MAP4: variants seen among roughly 807,000 people sequenced by gnomAD.
MAP4 encodes microtubule-associated protein 4.
MAP4 carries 76 observed loss-of-function variants against 170.2 expected under a neutral mutation model. The ratio of observed to expected loss-of-function variants is 0.45; its 90% confidence interval spans 0.37 to 0.54. MAP4 has a LOEUF of 0.54. Ranked by LOEUF, MAP4 falls within the 20% of genes least tolerant of loss-of-function variation. MAP4 has a pLI of 0.00. For missense variants in MAP4, 2,506 were observed against 2,748.0 expected, an observed-to-expected ratio of 0.91 and a Z score of 1.97; for synonymous variants, 909 against 994.5, an observed-to-expected ratio of 0.91 and a Z score of 1.62.
intron 1 of MAP4, among the ~76,000 whole-genome samples, chr3:48,056,963 C>G (rs779323492): frequency 0.016 from 2,016 of 125,172 alleles, 40 homozygotes; most frequent in Non-Finnish European, 0.026. Flanking sequence ...CCCGGCCAGC[C>G]GCCCCGTCCG....
chr3:47,931,535 C>T (rs941035406), intron 3 of MAP4, among the ~76,000 whole-genome samples: 5 of 151,798 alleles, frequency 3.3e-5, no homozygotes, highest in Non-Finnish European at 4.4e-5. Flanking sequence ...TGGAATGCAG[C>T]GGTGTGGATC....
In MAP4 at chr3:47,910,077, A is replaced by T. The variant is rs1312733499; in HGVS notation, c.4344T>A (p.Pro1448=). 1 of 1,613,818 alleles carries T rather than the reference A, an allele frequency of 6.2e-7. No homozygotes were observed. Residue 1448 remains proline, a synonymous_variant, in exon 9 of 21, where the codon CCT becomes CCA. Transcript: ENST00000683076. ...AGGAATCACCTTCCTTTACTACTTG[A>T]GGAGTAGGAGTGGGCAGTTTTTCAC... is the stretch of plus-strand genomic sequence containing the variant. ...AACEKLPTPT[P]QVVKEGDSFP... is the part of the protein sequence containing the mutation.
intron 5 of MAP4, among the ~76,000 whole-genome samples, 156 bp downstream of exon 5, chr3:47,921,609 G>A (rs1445091296): frequency 6.6e-6 from 1 of 152,024 alleles, no homozygotes; most frequent in Non-Finnish European, 1.5e-5. Flanking sequence ...CATTCCCTAG[G>A]TACCTCTCAT....
chr3:48,082,413 G>A (rs1272812075), intron 1 of MAP4, among the ~76,000 whole-genome samples: 1 of 152,158 alleles, frequency 6.6e-6, no homozygotes, highest in Non-Finnish European at 1.5e-5. Flanking sequence ...CCCAGAATAT[G>A]GATATGACTT....
intron 3 of MAP4, among the ~76,000 whole-genome samples, chr3:47,945,776 G>A (rs1449070309): frequency 6.6e-6 from 1 of 151,766 alleles, no homozygotes; most frequent in Non-Finnish European, 1.5e-5. Flanking sequence ...CTGGAGTGCA[G>A]TGGAGCGATC....
intron 2 of MAP4, among the ~76,000 whole-genome samples, chr3:47,984,877 G>T (rs556008024): frequency 7.2e-5 from 11 of 152,066 alleles, no homozygotes; most frequent in African/African-American, 2.7e-4. Context: ...GCTGAGGCAG[G>T]AGAATCACTT....
intron 3 of MAP4, among the ~76,000 whole-genome samples, chr3:47,930,778 A>T (rs2100049314): frequency 6.6e-6 from 1 of 151,750 alleles, no homozygotes; most frequent in Non-Finnish European, 1.5e-5. Flanking sequence ...TACAAAAAAA[A>T]ATTAGCCGGG....
chr3:47,974,873 T>C, intron 3 of MAP4: 2 of 965,868 alleles, frequency 2.1e-6, no homozygotes, highest in Non-Finnish European at 2.5e-6. Flanking sequence ...AAAATATCTA[T>C]CATTATTTAG....
intron 1 of MAP4, among the ~76,000 whole-genome samples, chr3:48,046,633 TG>T (rs972742780): frequency 3.9e-5 from 6 of 152,178 alleles, no homozygotes; most frequent in African/African-American, 1.4e-4. Context: ...CTTTCATTGT[TG>T]AACACTTCTA....
chr3:47,952,072 C>T (rs2100064538), intron 3 of MAP4, among the ~76,000 whole-genome samples: 2 of 148,506 alleles, frequency 1.3e-5, no homozygotes. Flanking sequence ...AGCGTCTCTG[C>T]CCGGCCGCCC....
intron 10 of MAP4, chr3:47,891,567 C>G (rs898538807): frequency 2.0e-6 from 3 of 1,531,568 alleles, no homozygotes; most frequent in East Asian, 2.4e-5. Context: ...GCTGGGGGAA[C>G]TGAGAGGTGA....
chr3:47,852,429 T>G lies in MAP4; in HGVS notation c.*505A>C, dbSNP rs928317269. ...CAGAGGGAGAGGCAGTGGCTTAAGC[T>G]CCACGGTCAGCGTCCTGTCACCACT... On this transcript the variant is annotated 3_prime_UTR_variant, in exon 21 of 21. Transcript: ENST00000683076. 5 of 229,252 alleles carry G rather than the reference T, an allele frequency of 2.2e-5. No homozygotes were observed. Among genetic ancestry groups the G allele is most frequent in the African/African-American group, 1.1e-4 (5 of 43,534 alleles). The allele number at this position is 229,252 out of a possible 1,614,324, so 14.2% of individuals were successfully genotyped here.
chr3:47,852,922 A>G lies in MAP4; in HGVS notation c.*12T>C. 6.2e-7 allele frequency: 1 copy of G among 1,611,882 alleles called. No individual in the cohort carries two copies. Among genetic ancestry groups the G allele is most frequent in the Non-Finnish European group, 8.5e-7 (1 of 1,178,580 alleles). Reference sequence around the variant, plus strand: ...GGCCCTGGCATTTGCCCGGAACGTCAGCCTGTAGGTCTCAATCTGCAGTGA... The same window carrying G: ...GGCCCTGGCATTTGCCCGGAACGTCGGCCTGTAGGTCTCAATCTGCAGTGA... On this transcript the variant is annotated 3_prime_UTR_variant, in exon 21 of 21. Transcript: ENST00000683076.
At chr3:47,924,929 G>T (rs747899950) in intron 4 of MAP4, among the ~76,000 whole-genome samples, 2 of 151,982 alleles carry the variant, frequency 1.3e-5, no homozygotes, top group African/African-American at 2.4e-5. Context: ...TCCTGCCTCA[G>T]CTTCCCGAGT....
Position 47,852,608 on chromosome 3 carries a change from C to G in MAP4, c.*326G>C. On this transcript the variant is annotated 3_prime_UTR_variant, in exon 21 of 21. Coordinates refer to ENST00000683076, the MANE Select transcript of MAP4 (RefSeq NM_001385682.1). ...CCAACTTAGCCTCAACCACCCCAAC[C>G]CCCTCCCAACCTCCTCCACGGAGCA... is the stretch of plus-strand genomic sequence containing the variant. The G allele has an allele frequency of 2.5e-6, 2 of 793,494 alleles. No homozygotes were observed. Among genetic ancestry groups the G allele is most frequent in the Non-Finnish European group, 3.8e-6 (2 of 521,768 alleles). The allele number at this position is 793,494 out of a possible 1,614,324, so 49.2% of individuals were successfully genotyped here. A position where few individuals can be genotyped will look rare whatever the true frequency, so the allele number is the denominator to read the frequency against.
At chr3:47,983,754 A>C (rs1353770941) in intron 2 of MAP4, among the ~76,000 whole-genome samples, 1 of 152,114 alleles carries the variant, frequency 6.6e-6, no homozygotes, top group Non-Finnish European at 1.5e-5. Context: ...CCTGGGCTCA[A>C]GTGGTACTCC....
At chr3:47,901,252 ACTGT>A (rs2100029828) in intron 10 of MAP4, among the ~76,000 whole-genome samples, 2 of 152,118 alleles carry the variant, frequency 1.3e-5, no homozygotes, top group African/African-American at 4.8e-5. Flanking sequence ...CTAGAGGAAA[ACTGT>A]CTGTTTTCCA....
At chr3:48,041,393 T>C (rs1370546369) in intron 1 of MAP4, among the ~76,000 whole-genome samples, 1 of 151,596 alleles carries the variant, frequency 6.6e-6, no homozygotes, top group Non-Finnish European at 1.5e-5. Flanking sequence ...ATAACAGGCA[T>C]AAGCCACCGT....
intron 2 of MAP4, among the ~76,000 whole-genome samples, chr3:47,995,773 A>C (rs1455525292): frequency 6.6e-6 from 1 of 152,204 alleles, no homozygotes; most frequent in East Asian, 1.9e-4. Flanking sequence ...AAAGCCACCT[A>C]GTAGTATGAA....
Sources: gnomAD v4.1 joint callset for allele counts (sites outside exome capture counted in the v4.1 genomes callset) on GRCh38, gnomAD v4.1.1 for gene constraint, MANE v1.5 for transcripts, NCBI Gene and HGNC (gene_info 2026-07-23, HGNC 2026-07-21) for gene names.